Variants in FOXP2 observed in about 807,000 individuals in gnomAD.
FOXP2 encodes forkhead box protein P2.
Under a neutral mutation model 115.8 loss-of-function variants are expected in FOXP2, and 12 were observed. That is an observed-to-expected ratio of 0.10 (90% CI 0.07 to 0.17). FOXP2 has a LOEUF of 0.17. Among genes scored for constraint, FOXP2 ranks in the 10% least tolerant of loss-of-function variants. The pLI is 1.00. For missense variants in FOXP2, 629 were observed against 843.5 expected, an observed-to-expected ratio of 0.75 and a Z score of 3.15; for synonymous variants, 328 against 297.7, an observed-to-expected ratio of 1.10 and a Z score of -1.05.
intron 3 of FOXP2, among the ~76,000 whole-genome samples, chr7:114,577,999 A>G (rs1012052462): frequency 7.2e-5 from 11 of 152,014 alleles, no homozygotes; most frequent in African/African-American, 1.9e-4. Context: ...TCAGAATTGA[A>G]TAAACAAGCT....
At chr7:114,566,364 C>T (rs1018202653) in intron 3 of FOXP2, among the ~76,000 whole-genome samples, 8 of 151,988 alleles carry the variant, frequency 5.3e-5, no homozygotes, top group South Asian at 2.1e-4. Context: ...TGGGGCCTCA[C>T]GGGAGGTGTT....
At chr7:114,137,621 C>T (rs557347639) in intron 1 of FOXP2, among the ~76,000 whole-genome samples, 4 of 151,212 alleles carry the variant, frequency 2.6e-5, no homozygotes, top group Admixed American at 6.6e-5. Flanking sequence ...CAGTTTCACA[C>T]GGAACAGTTC....
intron 3 of FOXP2, among the ~76,000 whole-genome samples, chr7:114,568,116 G>A (rs1031834785): frequency 1.3e-5 from 2 of 151,702 alleles, no homozygotes; most frequent in Admixed American, 1.3e-4. Flanking sequence ...TAACTGTTAT[G>A]TTTCATAATT....
intron 3 of FOXP2, among the ~76,000 whole-genome samples, chr7:114,594,971 C>G (rs539724819): frequency 6.6e-6 from 1 of 152,024 alleles, no homozygotes; most frequent in African/African-American, 2.4e-5. Context: ...AGTCATATAC[C>G]TTTAATTAAC....
At chr7:114,341,172 GTAA>G (rs1351739096) in intron 2 of FOXP2, among the ~76,000 whole-genome samples, 1 of 150,956 alleles carries the variant, frequency 6.6e-6, no homozygotes, top group Non-Finnish European at 1.5e-5. Flanking sequence ...TTAAAATCAA[GTAA>G]TGTCAGGATC....
At chr7:114,218,871 G>A (rs536118780) in intron 1 of FOXP2, among the ~76,000 whole-genome samples, 35 of 152,190 alleles carry the variant, frequency 2.3e-4, no homozygotes, top group African/African-American at 3.6e-4. Context: ...ATGCAATTAC[G>A]TATTATTATA....
intron 3 of FOXP2, among the ~76,000 whole-genome samples, chr7:114,574,788 T>C (rs1183337276): frequency 2.6e-5 from 4 of 151,948 alleles, no homozygotes; most frequent in Non-Finnish European, 5.9e-5. Context: ...TCTTTGGCTC[T>C]TATTTTTAAA....
intron 1 of FOXP2, among the ~76,000 whole-genome samples, chr7:114,136,319 G>A (rs1458773728): frequency 6.6e-6 from 1 of 152,112 alleles, no homozygotes; most frequent in African/African-American, 2.4e-5. Context: ...CCCCATTGGA[G>A]AGCTGTACTT....
At chr7:114,328,243 T>C (rs1464151144) in intron 2 of FOXP2, among the ~76,000 whole-genome samples, 1 of 147,886 alleles carries the variant, frequency 6.8e-6, no homozygotes, top group African/African-American at 2.5e-5. Flanking sequence ...CTTTTTTTTT[T>C]TTTTTTTTTT....
At chr7:114,341,106 C>G (rs995353848) in intron 2 of FOXP2, among the ~76,000 whole-genome samples, 1 of 151,122 alleles carries the variant, frequency 6.6e-6, no homozygotes, top group Non-Finnish European at 1.5e-5. Flanking sequence ...TAATCGCATA[C>G]CACATACTCT....
At chr7:114,622,946 A>C (rs1192364566) in intron 3 of FOXP2, among the ~76,000 whole-genome samples, 1 of 151,940 alleles carries the variant, frequency 6.6e-6, no homozygotes, top group East Asian at 1.9e-4. Context: ...AAACATTTTT[A>C]GTTACTAAAT....
intron 1 of FOXP2, among the ~76,000 whole-genome samples, chr7:114,206,774 G>C (rs956204545): frequency 2.0e-5 from 3 of 152,070 alleles, no homozygotes; most frequent in Admixed American, 6.5e-5. Flanking sequence ...TGACCTACCT[G>C]TTTGACTTAT....
intron 2 of FOXP2, among the ~76,000 whole-genome samples, chr7:114,345,043 T>G (rs1472869796): frequency 6.6e-6 from 1 of 151,440 alleles, no homozygotes; most frequent in Non-Finnish European, 1.5e-5. Context: ...TACTTTAGAG[T>G]GAGGACGATT....
In FOXP2 at chr7:114,653,912, C is replaced by T. The variant is rs1584997460; in HGVS notation, c.1183-14C>T. 2.5e-6 allele frequency: 4 copies of T among 1,611,920 alleles called. No individual in the cohort carries two copies. In the South Asian group the frequency reaches 4.4e-5, roughly 18 times the overall value. ...CATTTCTAAAACGCTTCTGATCTCA[C>T]TCTTTCTTAACAGCTTTCTAAAGAA... is the stretch of plus-strand genomic sequence containing the variant. On this transcript the variant is annotated splice_polypyrimidine_tract_variant and intron_variant, in intron 9 of 16. Transcript: ENST00000350908.
At chr7:114,267,101 A>G (rs974568753) in intron 1 of FOXP2, among the ~76,000 whole-genome samples, 4 of 152,272 alleles carry the variant, frequency 2.6e-5, no homozygotes, top group Admixed American at 2.6e-4. Flanking sequence ...TAAAATGAAA[A>G]TTCTGCATGC....
intron 2 of FOXP2, among the ~76,000 whole-genome samples, chr7:114,439,278 T>G (rs1794493494): frequency 4.6e-5 from 7 of 152,162 alleles, no homozygotes; most frequent in Admixed American, 4.6e-4. Context: ...GGATATGGAT[T>G]TGTAGTAGTA....
At chr7:114,505,895 G>A (rs1267329059) in intron 2 of FOXP2, among the ~76,000 whole-genome samples, 2 of 151,654 alleles carry the variant, frequency 1.3e-5, no homozygotes, top group African/African-American at 2.4e-5. Flanking sequence ...CCAAACTCCA[G>A]CAATCTCATT....
At chr7:114,633,281 TATA>T (rs1805020262) in intron 6 of FOXP2, among the ~76,000 whole-genome samples, 1 of 152,190 alleles carries the variant, frequency 6.6e-6, no homozygotes, top group South Asian at 2.1e-4. Flanking sequence ...CAATGAAATT[TATA>T]ATGATATAAT....
chr7:114,097,134 A>C (rs1296693515), intron 1 of FOXP2, among the ~76,000 whole-genome samples: 2 of 152,134 alleles, frequency 1.3e-5, no homozygotes, highest in Non-Finnish European at 2.9e-5. Context: ...TCATTTTTTA[A>C]TTAAAGATTA....
Sources: allele counts gnomAD v4.1 joint callset (sites outside exome capture counted in the v4.1 genomes callset), GRCh38; gene constraint gnomAD v4.1.1; transcripts MANE v1.5; gene names NCBI Gene and HGNC (gene_info 2026-07-23, HGNC 2026-07-21).